Variants in CIB1 observed in about 807,000 individuals in gnomAD.
The protein encoded by CIB1 is calcium and integrin-binding protein 1.
CIB1 carries 19 observed loss-of-function variants against 25.0 expected under a neutral mutation model. The observed-to-expected ratio is 0.76, with a 90% confidence interval of 0.53 to 1.12. CIB1 has a LOEUF of 1.12. Among genes scored for constraint, CIB1 ranks in the 50% most tolerant of loss-of-function variants. The pLI, the probability that CIB1 is intolerant of heterozygous loss-of-function variation, is 0.00. For missense variants in CIB1, 236 were observed against 242.6 expected, an observed-to-expected ratio of 0.97 and a Z score of 0.18; for synonymous variants, 104 against 98.5, an observed-to-expected ratio of 1.06 and a Z score of -0.33.
chr15:90,265,575 A>C, the CIB1 span: 2 of 1,397,770 alleles, frequency 1.4e-6, no homozygotes, highest in Non-Finnish European at 1.9e-6. Flanking sequence ...GCGTGAGCCC[A>C]GATCTTACCC....
chr15:90,246,988 T>G, the CIB1 span, among the ~76,000 whole-genome samples: 1 of 150,876 alleles, frequency 6.6e-6, no homozygotes, highest in African/African-American at 2.4e-5. Flanking sequence ...TTTTTTTTTT[T>G]CTTTTGAGAC....
chr15:90,256,609 C>CTTT, the CIB1 span, among the ~76,000 whole-genome samples: 972 of 40,006 alleles, frequency 0.024, 7 homozygotes, highest in African/African-American at 0.058. Flanking sequence ...TTCTTTCTTT[C>CTTT]CTTCCTTCCT....
In CIB1 at chr15:90,233,882, C is replaced by T. The variant is rs763495938; in HGVS notation, c.4G>A (p.Gly2Arg). 3 of 1,475,026 alleles carry T rather than the reference C, an allele frequency of 2.0e-6. No individual in the cohort carries two copies. The highest frequency in any genetic ancestry group is 1.8e-6 in the Non-Finnish European group (2 of 1,116,054). 91.4% of individuals were successfully genotyped at this position (1,475,026 alleles called of 1,614,324 possible). M[G>R]GSGSRLSKEL... ...TTGGACAGGCGACTGCCCGAGCCCCCCATCGCCCCGCCGCGCGCACAGCTC... is the reference window on the plus strand; with the variant it reads ...TTGGACAGGCGACTGCCCGAGCCCCTCATCGCCCCGCCGCGCGCACAGCTC... Residue 2 changes from glycine (G) to arginine (R), a missense_variant, in exon 1 of 7, where the codon GGG becomes AGG. Physicochemically the swap from Gly to Arg is moderately radical, Grantham distance 125 (BLOSUM62 -2). Transcript: ENST00000328649.
the CIB1 span, among the ~76,000 whole-genome samples, chr15:90,255,198 C>T: frequency 1.3e-5 from 2 of 152,168 alleles, no homozygotes; most frequent in Non-Finnish European, 2.9e-5. Context: ...CTGGTGGGTA[C>T]ATCCTATCTC....
chr15:90,264,808 T>C, the CIB1 span: 1 of 1,536,104 alleles, frequency 6.5e-7, no homozygotes, highest in South Asian at 1.2e-5. Context: ...AGGGCTATTT[T>C]CTGCAACCGG....
At chr15:90,261,057 C>G in the CIB1 span, among the ~76,000 whole-genome samples, 1 of 151,100 alleles carries the variant, frequency 6.6e-6, no homozygotes, top group Non-Finnish European at 1.5e-5. Flanking sequence ...CTGTAATGAA[C>G]GTATATTACC....
the CIB1 span, chr15:90,257,254 C>T: frequency 1.2e-6 from 2 of 1,613,296 alleles, no homozygotes; most frequent in East Asian, 2.2e-5. Context: ...CCACCACGCC[C>T]TATATGGAGC....
At chr15:90,247,409 C>T in the CIB1 span, among the ~76,000 whole-genome samples, 2 of 149,938 alleles carry the variant, frequency 1.3e-5, no homozygotes, top group African/African-American at 5.0e-5. Flanking sequence ...CTGGGATTAG[C>T]GATGTAGGCT....
upstream of CIB1, among the ~76,000 whole-genome samples, chr15:90,237,647 AT>A (rs1461152345): frequency 6.6e-6 from 1 of 152,062 alleles, no homozygotes; most frequent in Non-Finnish European, 1.5e-5. Flanking sequence ...AACATCCCAA[AT>A]GTGCTTGTTG....
At chr15:90,236,971 T>C (rs1202298477), upstream of CIB1, among the ~76,000 whole-genome samples, 1 of 151,766 alleles carries the variant, frequency 6.6e-6, no homozygotes, top group Non-Finnish European at 1.5e-5. Flanking sequence ...ATTTTATTTA[T>C]TTTTTTGAGA....
the CIB1 span, among the ~76,000 whole-genome samples, chr15:90,239,291 A>G: frequency 3.1e-3 from 458 of 145,998 alleles, 4 homozygotes; most frequent in African/African-American, 0.011. Context: ...TAGTTGATCT[A>G]TATGAGACAT....
the CIB1 span, chr15:90,250,732 CT>C: frequency 6.2e-7 from 1 of 1,614,172 alleles, no homozygotes; most frequent in South Asian, 1.1e-5. Context: ...ACCCCTCTAA[CT>C]CTTCACAGCA....
the CIB1 span, chr15:90,262,003 C>T: frequency 2.6e-6 from 4 of 1,529,636 alleles, no homozygotes; most frequent in Non-Finnish European, 3.5e-6. Flanking sequence ...TTGCTTTCCA[C>T]AGGAAAGAAA....
chr15:90,233,896 C>G lies in CIB1; in HGVS notation c.-11G>C, dbSNP rs1253969995. 1.4e-6 allele frequency: 2 copies of G among 1,467,212 alleles called. No individual in the cohort carries two copies. The highest frequency in any genetic ancestry group is 1.8e-6 in the Non-Finnish European group (2 of 1,113,182). 90.9% of individuals were successfully genotyped at this position (1,467,212 alleles called of 1,614,324 possible). On this transcript the variant is annotated 5_prime_UTR_variant, in exon 1 of 7. Coordinates refer to ENST00000328649, the MANE Select transcript of CIB1 (RefSeq NM_006384.4). The stretch of plus-strand genomic sequence containing the variant: ...GCCCGAGCCCCCCATCGCCCCGCCG[C>G]GCGCACAGCTCCGCCAACTCGCCTC...
At chr15:90,262,183 G>A in the CIB1 span, 1 of 1,528,746 alleles carries the variant, frequency 6.5e-7, no homozygotes, top group Non-Finnish European at 8.8e-7. Flanking sequence ...CCAGAGAGGA[G>A]TGTGCCAGGT....
chr15:90,265,615 A>C, the CIB1 span: 1 of 1,488,860 alleles, frequency 6.7e-7, no homozygotes, highest in South Asian at 1.2e-5. Context: ...ATAACTTGCT[A>C]CTACCCAGCC....
Position 90,232,464 on chromosome 15 carries a change from C to T in CIB1, c.87-137G>A. 2 of 1,391,606 alleles carry T rather than the reference C, an allele frequency of 1.4e-6. No homozygotes were observed. Among genetic ancestry groups the T allele is most frequent in the Non-Finnish European group, 1.9e-6 (2 of 1,062,252 alleles). The allele number at this position is 1,391,606 out of a possible 1,614,324, so 86.2% of individuals were successfully genotyped here. On this transcript the variant is annotated intron_variant, in intron 2 of 6. Transcript: ENST00000328649. ...TACACAGAACTTCCGAGTCATCAGG[C>T]AACGGTAAGCAAAAGGACATGTCAC... is the stretch of plus-strand genomic sequence containing the variant.
At chr15:90,262,093 C>T in the CIB1 span, 1 of 1,536,130 alleles carries the variant, frequency 6.5e-7, no homozygotes, top group South Asian at 1.2e-5. Flanking sequence ...GGCGGATCTA[C>T]CCTGGGCCTG....
At chr15:90,257,431 G>C in the CIB1 span, 20 of 1,252,750 alleles carry the variant, frequency 1.6e-5, no homozygotes, top group South Asian at 1.5e-4. Context: ...GCAAGTGTTT[G>C]GTAGGTGGTG....
Sources: gnomAD v4.1 joint callset for allele counts (sites outside exome capture counted in the v4.1 genomes callset) on GRCh38, gnomAD v4.1.1 for gene constraint, MANE v1.5 for transcripts, NCBI Gene and HGNC (gene_info 2026-07-23, HGNC 2026-07-21) for gene names.